The following KDSR variants were observed in gnomAD, a reference collection of about 807,000 sequenced individuals.
The protein encoded by KDSR is 3-ketodihydrosphingosine reductase, also known as 3-dehydrosphinganine reductase.
In KDSR, 23 loss-of-function variants were observed where a neutral mutation model predicts 41.3. That is an observed-to-expected ratio of 0.56 (90% confidence interval 0.40 to 0.79). KDSR has a LOEUF of 0.79. Ranked by LOEUF, KDSR falls within the 30% of genes least tolerant of loss-of-function variation. KDSR has a pLI of 0.00. For synonymous variants in KDSR, 138 were observed against 151.7 expected, an observed-to-expected ratio of 0.91 and a Z score of 0.66; for missense variants, 351 against 416.8, an observed-to-expected ratio of 0.84 and a Z score of 1.37.
chr18:63,347,121 G>A (rs867057260), intron 6 of KDSR, among the ~76,000 whole-genome samples: 2 of 151,854 alleles, frequency 1.3e-5, no homozygotes, highest in African/African-American at 4.8e-5. Context: ...CTGTGCCCCC[G>A]ACTCTGCCCC....
intron 3 of KDSR, among the ~76,000 whole-genome samples, chr18:63,356,590 A>T (rs1914801506): frequency 6.6e-6 from 1 of 152,192 alleles, no homozygotes; most frequent in African/African-American, 2.4e-5. Context: ...GATCAAGCTC[A>T]TTCTCGCCTG....
At chr18:63,348,230 G>T (rs992347157) in intron 6 of KDSR, among the ~76,000 whole-genome samples, 4 of 151,818 alleles carry the variant, frequency 2.6e-5, no homozygotes, top group Non-Finnish European at 5.9e-5. Flanking sequence ...GACTGCTTGG[G>T]CCCAGGAAGT....
chr18:63,359,041 T>C (rs2144376349), intron 3 of KDSR, among the ~76,000 whole-genome samples: 1 of 150,130 alleles, frequency 6.7e-6, no homozygotes. Context: ...TAGCCATGCA[T>C]GATGGCACGT....
chr18:63,359,641 T>A, intron 3 of KDSR, 95 bp downstream of exon 3: 1 of 824,116 alleles, frequency 1.2e-6, no homozygotes, highest in South Asian at 1.4e-5. Context: ...CATATATGCT[T>A]TCAATTAACT....
intron 2 of KDSR, 26 bp from the exon 3 acceptor site, chr18:63,359,818 C>T (rs552058664): frequency 5.9e-6 from 9 of 1,532,738 alleles, no homozygotes; most frequent in Admixed American, 3.3e-5. Context: ...AATAATTAGT[C>T]GTGATGACCG....
intron 8 of KDSR, among the ~76,000 whole-genome samples, chr18:63,338,134 C>G (rs1456143257): frequency 2.0e-5 from 3 of 152,222 alleles, no homozygotes; most frequent in African/African-American, 7.2e-5. Context: ...AATGTGACAG[C>G]ATTTAGGCCA....
intron 3 of KDSR, among the ~76,000 whole-genome samples, chr18:63,357,847 G>A (rs1415723877): frequency 6.6e-6 from 1 of 151,878 alleles, no homozygotes; most frequent in African/African-American, 2.4e-5. Context: ...AAAATGTTGG[G>A]ATTACAGGCA....
chr18:63,366,821 G>T (rs553332158), intron 1 of KDSR, 190 bp downstream of exon 1: 26 of 391,254 alleles, frequency 6.6e-5, no homozygotes, highest in Middle Eastern at 6.4e-4. Context: ...TGCGGAGGGC[G>T]GGTCCGCGAG....
intron 9 of KDSR, 134 bp from the exon 10 acceptor site, chr18:63,332,035 A>T (rs1914018792): frequency 1.1e-6 from 1 of 888,314 alleles, no homozygotes; most frequent in Non-Finnish European, 1.7e-6. Context: ...AAAACTCTGT[A>T]AATGTCAGTA....
intron 8 of KDSR, 85 bp from the exon 9 acceptor site, chr18:63,335,443 T>C (rs1172420875): frequency 2.2e-6 from 2 of 909,092 alleles, no homozygotes; most frequent in African/African-American, 1.6e-5. Flanking sequence ...CAGTGGAGTG[T>C]GCTCGTTCAC....
In KDSR at chr18:63,331,748, T is replaced by C; in HGVS notation, c.*34A>G. On this transcript the variant is annotated 3_prime_UTR_variant, in exon 10 of 10. Coordinates refer to ENST00000645214, the MANE Select transcript of KDSR (RefSeq NM_002035.4). ...ATTTAGCAGCAAGCTGTTCAAATTA[T>C]TTGGAAACAGTCTTCTTCCAAGGGG... The C allele has an allele frequency of 6.2e-7, 1 of 1,604,152 alleles. No individual in the cohort carries two copies. Among genetic ancestry groups the C allele is most frequent in the Non-Finnish European group, 8.5e-7 (1 of 1,175,664 alleles).
At chr18:63,344,305 C>A in intron 7 of KDSR, 105 bp downstream of exon 7, 1 of 741,490 alleles carries the variant, frequency 1.3e-6, no homozygotes, top group Non-Finnish European at 2.3e-6. Context: ...CTCTACCCAA[C>A]AAACATTGTT....
At chr18:63,356,330 T>C (rs923130642) in intron 3 of KDSR, among the ~76,000 whole-genome samples, 5 of 150,784 alleles carry the variant, frequency 3.3e-5, no homozygotes, top group Non-Finnish European at 7.4e-5. Flanking sequence ...CCCTGGGAGA[T>C]AGAGGCTGCA....
chr18:63,331,318 CAG>C lies in KDSR; in HGVS notation c.*462_*463del, dbSNP rs1241848072. The C allele has an allele frequency of 2.3e-5, 5 of 218,470 alleles. No individual in the cohort carries two copies. The highest frequency in any genetic ancestry group is 9.3e-5 in the African/African-American group (4 of 42,900). 13.5% of individuals were successfully genotyped at this position (218,470 alleles called of 1,614,324 possible). A position where few individuals can be genotyped will look rare whatever the true frequency, so the allele number is the denominator to read the frequency against. ...ACAGAGAGACAGAGAGACAGAGAGA[CAG>C]AGAGACAGAGAGAGAGAGAGAGAGA... On this transcript the variant is annotated 3_prime_UTR_variant, in exon 10 of 10. Coordinates refer to ENST00000645214, the MANE Select transcript of KDSR (RefSeq NM_002035.4).
intron 7 of KDSR, 89 bp downstream of exon 7, chr18:63,344,321 G>C (rs1195443551): frequency 1.2e-6 from 1 of 853,326 alleles, no homozygotes; most frequent in Non-Finnish European, 1.9e-6. Context: ...TTGTTGATTG[G>C]TGAAAACGAG....
chr18:63,360,797 T>C (rs1365481922), intron 2 of KDSR, among the ~76,000 whole-genome samples: 3 of 151,074 alleles, frequency 2.0e-5, no homozygotes, highest in Non-Finnish European at 4.4e-5. Context: ...AGTGAGAGGA[T>C]TGGTTGAGCC....
chr18:63,339,546 TC>T (rs1039445692), intron 7 of KDSR, among the ~76,000 whole-genome samples: 5 of 152,228 alleles, frequency 3.3e-5, no homozygotes, highest in African/African-American at 1.2e-4. Flanking sequence ...CTTAGCCTTT[TC>T]TTCCTCAAAA....
chr18:63,332,224 A>G (rs2144344371), intron 9 of KDSR, among the ~76,000 whole-genome samples: 1 of 152,318 alleles, frequency 6.6e-6, no homozygotes, highest in South Asian at 2.1e-4. Context: ...CCAAACTACA[A>G]TCAAGGCTTT....
Position 63,363,937 on chromosome 18 carries a change from A to G in KDSR, c.109-1069T>C, listed in dbSNP as rs188172728. 7.0e-3 allele frequency among the ~76,000 whole-genome samples: 1,066 copies of G among 152,288 alleles called. 12 individuals carry two copies. Among genetic ancestry groups the G allele is most frequent in the South Asian group, 0.018 (86 of 4,826 alleles). ...TTAACATCATTGGGAAGTGTCTCCT[A>G]CGCAAATGCACCTATCTCTATGGGA... On this transcript the variant is annotated intron_variant, in intron 1 of 9. Coordinates refer to ENST00000645214, the MANE Select transcript of KDSR (RefSeq NM_002035.4).
Sources: allele counts gnomAD v4.1 joint callset (sites outside exome capture counted in the v4.1 genomes callset), GRCh38; gene constraint gnomAD v4.1.1; transcripts MANE v1.5; gene names NCBI Gene and HGNC (gene_info 2026-07-23, HGNC 2026-07-21).